SOX6: variants seen among roughly 807,000 people sequenced by gnomAD.
SOX6 encodes the protein transcription factor SOX-6.
Under a neutral mutation model 97.8 loss-of-function variants are expected in SOX6, and 11 were observed. The observed-to-expected ratio is 0.11, with a 90% CI of 0.07 to 0.19. The LOEUF (loss-of-function observed/expected upper bound fraction) is 0.19, where lower values mean the gene tolerates loss of function less well. Ranked by LOEUF, SOX6 falls within the 10% of genes least tolerant of loss-of-function variation. The probability of loss-of-function intolerance (pLI) is 1.00; values close to 1 mark genes in which losing one functional copy is unlikely to be tolerated. For synonymous variants in SOX6, 360 were observed against 371.4 expected (o/e 0.97, Z 0.35); for missense variants, 810 against 1,039.5 (o/e 0.78, Z 3.04).
At chr11:16,498,157 A>G (rs1860639464) in intron 4 of SOX6, among the ~76,000 whole-genome samples, 1 of 152,244 alleles carries the variant, frequency 6.6e-6, no homozygotes, top group African/African-American at 2.4e-5. Flanking sequence ...AGTGGGGGCC[A>G]ATATTCAACA....
chr11:16,025,030 G>A (rs2133876349), intron 12 of SOX6, among the ~76,000 whole-genome samples: 1 of 152,160 alleles, frequency 6.6e-6, no homozygotes, highest in Admixed American at 6.5e-5. Flanking sequence ...ACCCTTTTAG[G>A]CTTGGAAGCC....
chr11:16,168,020 A>G lies in SOX6; in HGVS notation c.777+15866T>C, dbSNP rs575771097. Among the ~76,000 whole-genome samples, 4 of 152,322 alleles carry G rather than the reference A, an allele frequency of 2.6e-5. No homozygotes were observed. The South Asian group carries it at 8.3e-4, about 32-fold the overall frequency. On this transcript the variant is annotated intron_variant, in intron 6 of 15. Transcript: ENST00000683767. ...TGAAAGTTTGTCAAATCAAAATCAT[A>G]GTCAATAGGACACCATTGGAGATAT...
chr11:16,320,302 AC>A (rs1223443849), intron 2 of SOX6, among the ~76,000 whole-genome samples: 2 of 152,146 alleles, frequency 1.3e-5, no homozygotes, highest in Non-Finnish European at 2.9e-5. Context: ...AGAATCAAGA[AC>A]TTGAGGACAA....
chr11:16,178,088 C>T (rs1324911173), intron 6 of SOX6, among the ~76,000 whole-genome samples: 1 of 151,888 alleles, frequency 6.6e-6, no homozygotes, highest in Non-Finnish European at 1.5e-5. Flanking sequence ...GCCATAAGGC[C>T]ACACTCGGAA....
intron 4 of SOX6, among the ~76,000 whole-genome samples, chr11:16,587,674 G>T (rs897478409): frequency 6.6e-6 from 1 of 152,218 alleles, no homozygotes; most frequent in Non-Finnish European, 1.5e-5. Context: ...GGTGTAAGAA[G>T]AGAACTAAGT....
At chr11:16,516,155 T>C (rs9667846) in intron 4 of SOX6, among the ~76,000 whole-genome samples, 143,187 of 145,664 alleles carry the variant, frequency 0.98, 70,433 homozygotes, top group East Asian at 1. Context: ...GCCATTTTCA[T>C]GATATTGATT....
intron 7 of SOX6, among the ~76,000 whole-genome samples, chr11:16,107,696 A>AG: frequency 6.6e-6 from 1 of 151,998 alleles, no homozygotes; most frequent in African/African-American, 2.4e-5. Flanking sequence ...ATGATGAAAA[A>AG]GTTTTGGGTA....
At chr11:16,711,716 TTA>T (rs1848182248) in intron 3 of SOX6, among the ~76,000 whole-genome samples, 1 of 151,974 alleles carries the variant, frequency 6.6e-6, no homozygotes, top group Admixed American at 6.6e-5. Flanking sequence ...GCTCAAAATG[TTA>T]TGTTTCTTTT....
At position 16,049,874 on chromosome 11, in the gene SOX6, G is replaced by T. The variant is rs1477772953; in HGVS notation, c.1316C>A (p.Ser439Tyr). 6.2e-7 allele frequency: 1 copy of T among 1,613,304 alleles called. No homozygotes were observed. Residue 439 changes from serine (S) to tyrosine (Y), a missense_variant, in exon 11 of 16, where the codon TCC (serine) becomes TAC (tyrosine). This residue lies in a region of SOX6 where 244 missense variants were observed against 261.0 expected (regional missense o/e 0.93). Transcript: ENST00000683767. ...GAGGTTCTGGGTGGGAGACGTTGGG[G>T]ACTTTACAGGCTCTGCTGTCTTGGG... ...SRPKTAEPVK[S>Y]PTSPTQNLFP...
chr11:16,514,477 T>C (rs966939741), intron 4 of SOX6, among the ~76,000 whole-genome samples: 41 of 152,062 alleles, frequency 2.7e-4, no homozygotes, highest in Non-Finnish European at 5.6e-4. Context: ...GTCACTAATA[T>C]TATGGTTTCT....
chr11:16,612,741 C>T (rs1409017323), intron 3 of SOX6, among the ~76,000 whole-genome samples: 4 of 152,184 alleles, frequency 2.6e-5, no homozygotes, highest in African/African-American at 9.6e-5. Flanking sequence ...ATTTCTCCCC[C>T]ACGTCACCCT....
chr11:16,201,179 C>T (rs1358255807), intron 4 of SOX6, among the ~76,000 whole-genome samples: 1 of 151,298 alleles, frequency 6.6e-6, no homozygotes, highest in Non-Finnish European at 1.5e-5. Flanking sequence ...AATACATCAT[C>T]CAACCTACGA....
At chr11:16,206,117 T>C (rs745592733) in intron 4 of SOX6, among the ~76,000 whole-genome samples, 2 of 152,136 alleles carry the variant, frequency 1.3e-5, no homozygotes, top group African/African-American at 2.4e-5. Context: ...CATATACACA[T>C]TTATTAGGTT....
chr11:15,974,241 G>T (rs1249249751), intron 15 of SOX6, among the ~76,000 whole-genome samples: 1 of 151,840 alleles, frequency 6.6e-6, no homozygotes, highest in Non-Finnish European at 1.5e-5. Flanking sequence ...TTATCACTTG[G>T]ACAATTCTTA....
At chr11:16,536,249 C>T (rs1861305744) in intron 4 of SOX6, among the ~76,000 whole-genome samples, 1 of 152,170 alleles carries the variant, frequency 6.6e-6, no homozygotes, top group African/African-American at 2.4e-5. Flanking sequence ...TTTGAATGTA[C>T]CATTTCCAAA....
chr11:16,540,756 A>G (rs1861393490), intron 4 of SOX6, among the ~76,000 whole-genome samples: 1 of 152,146 alleles, frequency 6.6e-6, no homozygotes, highest in South Asian at 2.1e-4. Flanking sequence ...AAAGAATCCA[A>G]CTTACAAGGG....
intron 4 of SOX6, among the ~76,000 whole-genome samples, chr11:16,223,153 T>C (rs927063400): frequency 7.2e-5 from 11 of 152,252 alleles, no homozygotes; most frequent in African/African-American, 2.6e-4. Context: ...ACATTTTTAA[T>C]AGTTCCAGAG....
At chr11:16,219,784 CG>C (rs1554945554) in intron 4 of SOX6, among the ~76,000 whole-genome samples, 3 of 151,878 alleles carry the variant, frequency 2.0e-5, no homozygotes, top group Non-Finnish European at 4.4e-5. Context: ...GTTCCTAATG[CG>C]ACATAGCTAT....
intron 6 of SOX6, among the ~76,000 whole-genome samples, chr11:16,132,346 G>GAAAGAAAGAAAA (rs1849784817): frequency 2.7e-5 from 1 of 37,582 alleles, no homozygotes; most frequent in African/African-American, 1.2e-4. Context: ...AAAAAAGAAA[G>GAAAGAAAGAAAA]AAAGAAAGAA....
Sources: allele counts gnomAD v4.1 joint callset (sites outside exome capture counted in the v4.1 genomes callset), GRCh38; gene constraint gnomAD v4.1.1; regional missense constraint gnomAD v4.1.1; transcripts MANE v1.5; gene names NCBI Gene and HGNC (gene_info 2026-07-23, HGNC 2026-07-21).